MED15: variants seen among roughly 807,000 people sequenced by gnomAD.
MED15 encodes the protein mediator of RNA polymerase II transcription subunit 15.
A neutral mutation model predicts 118.7 loss-of-function variants in MED15; 41 were observed. The ratio of observed to expected loss-of-function variants is 0.35; its 90% CI spans 0.27 to 0.45. MED15 has a LOEUF of 0.45. Ranked by LOEUF, MED15 falls within the 20% of genes least tolerant of loss-of-function variation. MED15 has a pLI of 1.00. For synonymous variants in MED15, 436 were observed against 413.9 expected, an observed-to-expected ratio of 1.05 and a Z score of -0.65; for missense variants, 740 against 1,025.5, an observed-to-expected ratio of 0.72 and a Z score of 3.80.
At chr22:20,554,641 G>T (rs2146530477) in intron 4 of MED15, 1 of 269,334 alleles carries the variant, frequency 3.7e-6, no homozygotes, top group East Asian at 6.7e-5. Flanking sequence ...TGCCCTCAAG[G>T]CCTCAGCCCA....
intron 1 of MED15, among the ~76,000 whole-genome samples, chr22:20,515,857 G>A (rs2054234881): frequency 6.6e-6 from 1 of 151,782 alleles, no homozygotes; most frequent in Non-Finnish European, 1.5e-5. Context: ...ACAAAAATTA[G>A]CCAGGCATAG....
At chr22:20,553,064 A>G (rs2055846974) in intron 3 of MED15, 81 bp from the exon 4 acceptor site, 2 of 1,379,392 alleles carry the variant, frequency 1.4e-6, no homozygotes, top group Non-Finnish European at 2.0e-6. Context: ...GCAAATGCCT[A>G]CAGAACTGAC....
intron 2 of MED15, among the ~76,000 whole-genome samples, chr22:20,547,842 T>TA (rs2055611638): frequency 6.6e-6 from 1 of 151,144 alleles, no homozygotes; most frequent in African/African-American, 2.4e-5. Flanking sequence ...AATAAATAAA[T>TA]AAATAAATTA....
At chr22:20,581,028 T>C (rs1474324206) in intron 9 of MED15, among the ~76,000 whole-genome samples, 2 of 152,156 alleles carry the variant, frequency 1.3e-5, no homozygotes, top group Non-Finnish European at 2.9e-5. Context: ...ATTCCATCGG[T>C]TGATGTCCCA....
intron 1 of MED15, chr22:20,508,011 T>TTGTG (rs2053930554): frequency 5.7e-6 from 8 of 1,414,476 alleles, no homozygotes; most frequent in Non-Finnish European, 7.4e-6. Flanking sequence ...CATTCGTCAT[T>TTGTG]TGTGTGCTTT....
At chr22:20,568,701 C>T in intron 8 of MED15, 70 bp downstream of exon 8, 1 of 1,562,824 alleles carries the variant, frequency 6.4e-7, no homozygotes, top group Non-Finnish European at 8.6e-7. Context: ...TGTAGTGCTA[C>T]AGTGAGGGTT....
intron 5 of MED15, among the ~76,000 whole-genome samples, chr22:20,556,774 C>A (rs988214771): frequency 6.6e-6 from 1 of 152,224 alleles, no homozygotes; most frequent in African/African-American, 2.4e-5. Flanking sequence ...CGCCCTCCCT[C>A]CAGCCTTAAG....
intron 5 of MED15, among the ~76,000 whole-genome samples, chr22:20,563,147 T>A (rs1000423524): frequency 3.3e-5 from 5 of 152,224 alleles, no homozygotes; most frequent in Non-Finnish European, 5.9e-5. Context: ...GAATGTAAAG[T>A]GGTTTTACCT....
At chr22:20,560,106 G>T (rs2056174765) in intron 5 of MED15, among the ~76,000 whole-genome samples, 1 of 152,096 alleles carries the variant, frequency 6.6e-6, no homozygotes, top group East Asian at 1.9e-4. Flanking sequence ...ATACAGGTCA[G>T]TCCCCCCAAC....
Position 20,564,529 on chromosome 22 carries a change from A to C in MED15, c.531A>C (p.Leu177=). Residue 177 remains leucine, a synonymous_variant, in exon 6 of 18, where the codon CTA becomes CTC. Transcript: ENST00000263205. The stretch of plus-strand genomic sequence containing the variant: ...TCCAGCAGCAGCAGCAGGCGGCGCT[A>C]CAGCAGCAGCAGCAGCAGCAGCAAC... ...QQFQQQQQAA[L]QQQQQQQQQQ... is the part of the protein sequence containing the mutation. 6.3e-7 allele frequency: 1 copy of C among 1,592,890 alleles called. No individual in the cohort carries two copies.
intron 9 of MED15, among the ~76,000 whole-genome samples, chr22:20,581,005 G>T (rs2056963966): frequency 6.6e-6 from 1 of 152,362 alleles, no homozygotes; most frequent in East Asian, 1.9e-4. Context: ...CCACAAAGCA[G>T]TGGGAACAGT....
At chr22:20,544,513 A>G (rs1010449775) in intron 2 of MED15, among the ~76,000 whole-genome samples, 2 of 152,048 alleles carry the variant, frequency 1.3e-5, no homozygotes, top group African/African-American at 4.8e-5. Flanking sequence ...AAAAATACAA[A>G]ACAACTAGCC....
intron 13 of MED15, chr22:20,583,973 G>C (rs1009606754): frequency 1.1e-4 from 31 of 269,972 alleles, no homozygotes; most frequent in African/African-American, 6.4e-4. Context: ...TGTCTAGAAG[G>C]GTCTCTCTGT....
At chr22:20,560,278 A>G (rs1310609331) in intron 5 of MED15, among the ~76,000 whole-genome samples, 1 of 151,892 alleles carries the variant, frequency 6.6e-6, no homozygotes, top group Non-Finnish European at 1.5e-5. Context: ...TATTATTATT[A>G]TTATTAAGAT....
intron 8 of MED15, among the ~76,000 whole-genome samples, chr22:20,568,884 T>C (rs2056539264): frequency 6.6e-6 from 1 of 152,174 alleles, no homozygotes; most frequent in South Asian, 2.1e-4. Flanking sequence ...CATCCTTCAT[T>C]ATCCCTCTTC....
intron 1 of MED15, among the ~76,000 whole-genome samples, chr22:20,522,488 G>T (rs2054497899): frequency 6.6e-6 from 1 of 152,208 alleles, no homozygotes; most frequent in Non-Finnish European, 1.5e-5. Flanking sequence ...TGATCTAGGA[G>T]GGAGGAAGCT....
chr22:20,518,785 C>G, intron 1 of MED15: 1 of 434,148 alleles, frequency 2.3e-6, no homozygotes, highest in South Asian at 1.7e-5. Context: ...CTAAACCGTT[C>G]TGAACTTCTC....
In MED15 at chr22:20,564,568, G is replaced by T. The variant is rs1169284975; in HGVS notation, c.570G>T (p.Gln190His). ...AGCAGCAGCAACAGCAGCAGTTCCA[G>T]GCTCAGCAGAGTGCCATGCAGCAGC... ...QQQQQQQQQF[Q>H]AQQSAMQQQF... The change falls in exon 6 of 18, where the codon CAG becomes CAT. Residue 190 changes from glutamine to histidine, a missense_variant. Gln to His is a conservative substitution (Grantham distance 24, BLOSUM62 0). This residue lies in a region of MED15 where 384 missense variants were observed against 506.3 expected (regional missense o/e 0.76). Coordinates refer to ENST00000263205, the MANE Select transcript of MED15 (RefSeq NM_001003891.3). 1 of 1,608,022 alleles carries T rather than the reference G, an allele frequency of 6.2e-7. No individual in the cohort carries two copies. Among genetic ancestry groups the T allele is most frequent in the South Asian group, 1.1e-5 (1 of 90,824 alleles).
In MED15 at chr22:20,584,924, G is replaced by A. The variant is rs1018320157; in HGVS notation, c.1873G>A (p.Val625Ile). ...CCTATGCCAGCCGCTCCTGGATGCC[G>A]TCCTGGCCAACATCCGCTCACCTGT... Reference protein sequence around the residue: ...QYLCQPLLDAVLANIRSPVFN... With the variant: ...QYLCQPLLDAILANIRSPVFN... Residue 625 changes from valine (V) to isoleucine (I), a missense_variant, in exon 15 of 18, where the codon GTC becomes ATC. Physicochemically the swap from Val to Ile is conservative, Grantham distance 29 (BLOSUM62 3). Transcript: ENST00000263205. 14 of 1,613,932 alleles carry A rather than the reference G, an allele frequency of 8.7e-6. No individual in the cohort carries two copies. The highest frequency in any genetic ancestry group is 3.3e-5 in the Admixed American group (2 of 60,020).
Sources: gnomAD v4.1 joint callset for allele counts (sites outside exome capture counted in the v4.1 genomes callset) on GRCh38, gnomAD v4.1.1 for gene constraint, gnomAD v4.1.1 regional missense constraint, MANE v1.5 for transcripts, NCBI Gene and HGNC (gene_info 2026-07-23, HGNC 2026-07-21) for gene names.